The following SMG6 variants were observed in gnomAD, a reference collection of about 807,000 sequenced individuals.
SMG6 encodes the protein telomerase-binding protein EST1A.
Under a neutral mutation model 142.2 loss-of-function variants are expected in SMG6, and 66 were observed. The observed-to-expected ratio is 0.46, with a 90% CI of 0.38 to 0.57. SMG6 has a LOEUF of 0.57. Among genes scored for constraint, SMG6 ranks in the 20% least tolerant of loss-of-function variants. SMG6 has a pLI of 0.00. For synonymous variants in SMG6, 779 were observed against 702.4 expected (o/e 1.11, Z -1.72); for missense variants, 1,793 against 1,832.0 (o/e 0.98, Z 0.39).
chr17:2,087,674 T>C (rs934321358), intron 13 of SMG6: 29 of 989,628 alleles, frequency 2.9e-5, no homozygotes, highest in Admixed American at 1.2e-4. Flanking sequence ...CCTGGTTCCA[T>C]TGCGTGTATT....
chr17:2,233,852 C>A (rs1056668455), intron 10 of SMG6, among the ~76,000 whole-genome samples: 1 of 152,308 alleles, frequency 6.6e-6, no homozygotes. Flanking sequence ...GCCCACACAG[C>A]GGGGTCTGGA....
chr17:2,147,862 A>G (rs2070714852), intron 13 of SMG6, among the ~76,000 whole-genome samples: 1 of 152,202 alleles, frequency 6.6e-6, no homozygotes, highest in African/African-American at 2.4e-5. Context: ...AAAATAGTAC[A>G]GCCGCTGTGG....
chr17:2,165,526 C>T (rs2071310371), intron 13 of SMG6, among the ~76,000 whole-genome samples: 1 of 152,218 alleles, frequency 6.6e-6, no homozygotes, highest in African/African-American at 2.4e-5. Context: ...TTGAGCATCC[C>T]TAATTGGAAA....
In SMG6 at chr17:2,298,995, C is replaced by G. The variant is rs1289874780; in HGVS notation, c.1758G>C (p.Arg586=). 4.3e-6 allele frequency: 7 copies of G among 1,614,056 alleles called. No homozygotes were observed. Among genetic ancestry groups the G allele is most frequent in the Non-Finnish European group, 5.1e-6 (6 of 1,180,044 alleles). ...LQQQELHRLL[R]VADNQELQLS... is the part of the protein sequence containing the mutation. The stretch of plus-strand genomic sequence containing the variant: ...GCTGCAGTTCCTGGTTGTCAGCCAC[C>G]CGGAGAAGCCTGTGCAGCTCCTGTT... The change falls in exon 2 of 19, where the codon CGG becomes CGC. Residue 586 remains arginine, a synonymous_variant. Coordinates refer to ENST00000263073, the MANE Select transcript of SMG6 (RefSeq NM_017575.5).
chr17:2,229,266 AG>A (rs1186548593), intron 10 of SMG6: 1 of 152,184 alleles, frequency 6.6e-6, no homozygotes, highest in East Asian at 1.9e-4. Flanking sequence ...TATTTGTTGT[AG>A]CCCCACCTGA....
intron 2 of SMG6, 91 bp from the exon 3 acceptor site, chr17:2,298,146 C>G: frequency 5.8e-6 from 7 of 1,197,422 alleles, no homozygotes; most frequent in Non-Finnish European, 8.0e-6. Flanking sequence ...TAACCACCTC[C>G]CCTGGCAGGA....
chr17:2,150,040 G>C (rs958963664), intron 13 of SMG6, among the ~76,000 whole-genome samples: 1 of 152,194 alleles, frequency 6.6e-6, no homozygotes, highest in African/African-American at 2.4e-5. Context: ...CCCAGCCCCC[G>C]GGGTTGTGGA....
intron 13 of SMG6, among the ~76,000 whole-genome samples, chr17:2,109,327 A>T (rs1485531731): frequency 6.6e-6 from 1 of 152,038 alleles, no homozygotes; most frequent in African/African-American, 2.4e-5. Flanking sequence ...GCGGTGGCAC[A>T]ATCTTGGCTC....
chr17:2,282,785 A>G lies in SMG6; in HGVS notation c.2523T>C (p.Ser841=). The change falls in exon 8 of 19, where the codon TCT becomes TCC. Residue 841 remains serine, a synonymous_variant. Coordinates refer to ENST00000263073, the MANE Select transcript of SMG6 (RefSeq NM_017575.5). The stretch of plus-strand genomic sequence containing the variant: ...TGTCATCTCCAACATGCCGGAAAGT[A>G]GACTTCTTTCCTTTCCGCCACTGGT... ...SPDQWRKGKK[S]TFRHVGDDTT... 1.2e-6 allele frequency: 2 copies of G among 1,614,222 alleles called. No homozygotes were observed. Among genetic ancestry groups the G allele is most frequent in the African/African-American group, 2.7e-5 (2 of 75,060 alleles).
chr17:2,065,820 G>A, intron 16 of SMG6, 141 bp from the exon 17 acceptor site: 2 of 708,660 alleles, frequency 2.8e-6, no homozygotes, highest in South Asian at 3.6e-5. Flanking sequence ...TGAAACTAGG[G>A]CCGGAGGGGA....
chr17:2,072,494 G>A (rs2068131227), intron 15 of SMG6, among the ~76,000 whole-genome samples: 1 of 152,198 alleles, frequency 6.6e-6, no homozygotes, highest in Admixed American at 6.5e-5. Flanking sequence ...AGAGAACTGG[G>A]AAAGAGATCA....
chr17:2,131,337 C>T (rs1021736678), intron 13 of SMG6, among the ~76,000 whole-genome samples: 8 of 151,834 alleles, frequency 5.3e-5, no homozygotes, highest in Middle Eastern at 3.4e-3. Context: ...GCTCTGTCAC[C>T]CAGGCTAGAG....
At chr17:2,146,502 G>A (rs902742320) in intron 13 of SMG6, among the ~76,000 whole-genome samples, 3 of 152,186 alleles carry the variant, frequency 2.0e-5, no homozygotes, top group Admixed American at 2.0e-4. Context: ...TTCAGGTTTA[G>A]CAAAGAATTT....
chr17:2,209,627 C>G (rs1175343713), intron 10 of SMG6, among the ~76,000 whole-genome samples: 3 of 151,960 alleles, frequency 2.0e-5, no homozygotes, highest in Non-Finnish European at 4.4e-5. Context: ...GCCTCCCAAA[C>G]TGCTAGGATT....
At chr17:2,267,939 G>T (rs985350423) in intron 8 of SMG6, among the ~76,000 whole-genome samples, 6 of 151,930 alleles carry the variant, frequency 3.9e-5, no homozygotes, top group African/African-American at 1.4e-4. Flanking sequence ...AGTAGAGACG[G>T]GGTTTCACCG....
intron 8 of SMG6, among the ~76,000 whole-genome samples, chr17:2,275,381 C>A (rs1473504885): frequency 6.6e-6 from 1 of 152,118 alleles, no homozygotes; most frequent in Non-Finnish European, 1.5e-5. Flanking sequence ...GAGATCACGC[C>A]GCTGCACTCC....
rs1267022527 is a variant in SMG6, at chr17:2,099,315, A to G, written c.3358-13414T>C. On this transcript the variant is annotated intron_variant, in intron 13 of 18. Transcript: ENST00000263073. ...TGGGGGTTTGGACTCAATAAGGAAT[A>G]GGGACTCCTCTTTGACAGGCTGCCT... 2.0e-5 allele frequency among the ~76,000 whole-genome samples: 3 copies of G among 152,068 alleles called. 1 individual carries two copies. The highest frequency in any genetic ancestry group is 4.1e-4 in the South Asian group (2 of 4,822).
chr17:2,226,501 C>G (rs919224962), intron 10 of SMG6, among the ~76,000 whole-genome samples: 1 of 151,490 alleles, frequency 6.6e-6, no homozygotes, highest in Non-Finnish European at 1.5e-5. Flanking sequence ...ATTGCATGAA[C>G]CCGGGAGGTG....
chr17:2,246,805 G>A (rs1374706949), intron 8 of SMG6, among the ~76,000 whole-genome samples: 1 of 152,136 alleles, frequency 6.6e-6, no homozygotes, highest in Non-Finnish European at 1.5e-5. Context: ...AATTAGCTGG[G>A]TGTGGTGGCA....
Sources: allele counts gnomAD v4.1 joint callset (sites outside exome capture counted in the v4.1 genomes callset), GRCh38; gene constraint gnomAD v4.1.1; transcripts MANE v1.5; gene names NCBI Gene and HGNC (gene_info 2026-07-23, HGNC 2026-07-21).